Variants in FLNC observed in about 807,000 individuals in gnomAD.
FLNC encodes filamin C.
Under a neutral mutation model 254.3 loss-of-function variants are expected in FLNC, and 91 were observed. The observed-to-expected ratio is 0.36, with a 90% CI of 0.30 to 0.43. The LOEUF (loss-of-function observed/expected upper bound fraction) is 0.43. Among genes scored for constraint, FLNC ranks in the 20% least tolerant of loss-of-function variants. FLNC has a pLI of 1.00. For synonymous variants in FLNC, 1,430 were observed against 1,577.2 expected (o/e 0.91, Z 2.21); for missense variants, 2,853 against 3,802.6 (o/e 0.75, Z 6.57).
intron 1 of FLNC, among the ~76,000 whole-genome samples, chr7:128,831,665 G>A (rs1014636210): frequency 4.6e-5 from 7 of 152,218 alleles, no homozygotes; most frequent in Non-Finnish European, 1.5e-5. Context: ...GGGGGCTTCC[G>A]CAAGTCCAGG....
Position 128,830,613 on chromosome 7 carries a change from G to A in FLNC, c.-25G>A, listed in dbSNP as rs1436411028. 2 of 1,608,432 alleles carry A rather than the reference G, an allele frequency of 1.2e-6. No homozygotes were observed. Among genetic ancestry groups the A allele is most frequent in the Non-Finnish European group, 8.5e-7 (1 of 1,177,460 alleles). ...TAGCCCAAACCGCGGCCCTAGCCCC[G>A]GCCGCACCCCCAGCCCGCGCCAGCA... On this transcript the variant is annotated 5_prime_UTR_variant, in exon 1 of 48. Transcript: ENST00000325888.
rs561979660 is a variant in FLNC, at chr7:128,832,381, G to A, written c.352+1392G>A. Among the ~76,000 whole-genome samples the A allele has an allele frequency of 1.9e-3, 296 of 152,340 alleles. 12 individuals are homozygous for A. The South Asian group carries it at 0.056, about 29-fold the overall frequency. ...AGGGCTACGTGATGGAGGCTGAGGGGTCAGAGAGGAGTCAGTCCTGGGCCG... is the reference window on the plus strand; with the variant it reads ...AGGGCTACGTGATGGAGGCTGAGGGATCAGAGAGGAGTCAGTCCTGGGCCG... On this transcript the variant is annotated intron_variant, in intron 1 of 47. Transcript: ENST00000325888.
chr7:128,846,745 G>A lies in FLNC; in HGVS notation c.4128G>A (p.Arg1376=), dbSNP rs749167386. 6.2e-7 allele frequency: 1 copy of A among 1,613,816 alleles called. No homozygotes were observed. The highest frequency in any genetic ancestry group is 1.1e-5 in the South Asian group (1 of 91,084). ...NKANRFTVET[R]GAGTGGLGLA... ...CTGATGGGGGGATGTTATCTCTCAG[G>A]GGAGCGGGCACCGGGGGCCTTGGCC... Residue 1376 remains arginine (R), a splice_region_variant and synonymous_variant, in exon 24 of 48, where the codon AGG becomes AGA. Transcript: ENST00000325888.
rs1269145751 is a variant in FLNC at position 128,858,199 on chromosome 7, G to A, written c.7972G>A (p.Val2658Met). The change falls in exon 47 of 48, where the codon GTG (valine) becomes ATG (methionine). Residue 2658 changes from valine to methionine, a missense_variant. By Grantham distance (21) the Val-to-Met change is conservative. Transcript: ENST00000325888. This position sits in a 1 kb window ranked among gnomAD's most constrained non-coding sequence, Gnocchi z 6.7. ...CGTGGGCCAGAAGAACTCCTTCACC[G>A]TGGACTGCAGCAAAGCAGGCAGGTG... The part of the protein sequence containing the change: ...AFVGQKNSFT[V>M]DCSKAGTNMM... 30 of 1,494,614 alleles carry A rather than the reference G, an allele frequency of 2.0e-5. No individual in the cohort carries two copies. Among genetic ancestry groups the A allele is most frequent in the Admixed American group, 3.3e-5 (2 of 59,706 alleles). 92.6% of individuals were successfully genotyped at this position (1,494,614 alleles called of 1,614,324 possible).
rs1223848150 is a variant in FLNC at position 128,841,461 on chromosome 7, C to T, written c.2015C>T (p.Ala672Val). The T allele has an allele frequency of 1.2e-6, 2 of 1,613,902 alleles. No individual in the cohort carries two copies. The highest frequency in any genetic ancestry group is 2.2e-5 in the East Asian group (1 of 44,894). ...PPDCFPDKVK[A>V]FGPGLEPTGC... ...CTTCTTCCCTCCGCACAGGTGAAGG[C>T]CTTTGGGCCTGGCCTGGAGCCTACC... Residue 672 changes from alanine (A) to valine (V), a missense_variant, in exon 13 of 48, where the codon GCC (alanine) becomes GTC (valine). Physicochemically the swap from Ala to Val is moderately conservative, Grantham distance 64. Around this residue, in one of 10 missense-constraint regions of FLNC, gnomAD observed 1,573 missense variants for 1,883.5 expected, o/e 0.84. Coordinates refer to ENST00000325888, the MANE Select transcript of FLNC (RefSeq NM_001458.5). This position sits in a 1 kb window ranked among gnomAD's most constrained non-coding sequence, Gnocchi z 4.3.
Position 128,857,856 on chromosome 7 carries a change from C to T in FLNC, c.7781-152C>T, listed in dbSNP as rs1036592068. ...GGCCCTGGCTGGGAATGAGGCTGTG[C>T]TCCTAGAGTGGCCCTTGGAGGAATT... On this transcript the variant is annotated intron_variant, in intron 46 of 47. Coordinates refer to ENST00000325888, the MANE Select transcript of FLNC (RefSeq NM_001458.5). This position sits in a 1 kb window ranked among gnomAD's most constrained non-coding sequence, Gnocchi z 4.5. 1.8e-5 allele frequency: 13 copies of T among 704,812 alleles called. No individual in the cohort carries two copies. Among genetic ancestry groups the T allele is most frequent in the Non-Finnish European group, 3.1e-5 (12 of 384,330 alleles). 43.7% of individuals were successfully genotyped at this position (704,812 alleles called of 1,614,324 possible). A position where few individuals can be genotyped will look rare whatever the true frequency, so the allele number is the denominator to read the frequency against.
chr7:128,845,321 G>A, intron 21 of FLNC, 66 bp downstream of exon 21: 1 of 1,349,168 alleles, frequency 7.4e-7, no homozygotes, highest in Non-Finnish European at 1.0e-6. Flanking sequence ...GTCCGTGGGA[G>A]GGAGGGAAGA....
rs780809885 is a variant in FLNC at position 128,844,972 on chromosome 7, G to C, written c.3507G>C (p.Lys1169Asn). 4.3e-6 allele frequency: 7 copies of C among 1,613,722 alleles called. No homozygotes were observed. Among genetic ancestry groups the C allele is most frequent in the South Asian group, 1.1e-5 (1 of 91,084 alleles). ...GTGGACCGGGCCTGGAGCGCGGCAA[G>C]GTCGGTGAGGCAGCCACCTTCACTG... ...RASGPGLERG[K>N]VGEAATFTVD... Residue 1169 changes from lysine (K) to asparagine (N), a missense_variant, in exon 21 of 48, where the codon AAG (lysine) becomes AAC (asparagine). Lys to Asn is a moderately conservative substitution (Grantham distance 94). Coordinates refer to ENST00000325888, the MANE Select transcript of FLNC (RefSeq NM_001458.5).
At position 128,842,102 on chromosome 7, in the gene FLNC, C is replaced by G; in HGVS notation, c.2122-129C>G. On this transcript the variant is annotated intron_variant, in intron 13 of 47. Coordinates refer to ENST00000325888, the MANE Select transcript of FLNC (RefSeq NM_001458.5). This position sits in a 1 kb window ranked among gnomAD's most constrained non-coding sequence, Gnocchi z 5.4. Reference sequence around the variant, plus strand: ...ACGTGGCCCTGGGCTCTGGTGGCCTCAGTGGCTGGTGTGGGGGCGGGAGTG... The same window carrying G: ...ACGTGGCCCTGGGCTCTGGTGGCCTGAGTGGCTGGTGTGGGGGCGGGAGTG... 3 of 974,606 alleles carry G rather than the reference C, an allele frequency of 3.1e-6. No homozygotes were observed. The highest frequency in any genetic ancestry group is 4.7e-6 in the Non-Finnish European group (3 of 636,026). The allele number at this position is 974,606 out of a possible 1,614,324, so 60.4% of individuals were successfully genotyped here.
chr7:128,853,803 C>T lies in FLNC; in HGVS notation c.6450C>T (p.Ile2150=), dbSNP rs776206819. 2.7e-5 allele frequency: 44 copies of T among 1,613,656 alleles called. No homozygotes were observed. In the Admixed American group the frequency reaches 5.3e-4, roughly 20 times the overall value. Residue 2150 remains isoleucine, a synonymous_variant, in exon 39 of 48, where the codon ATC becomes ATT. Coordinates refer to ENST00000325888, the MANE Select transcript of FLNC (RefSeq NM_001458.5). ...RRRQAPSIAT[I]GSTCDLNLKI... ...GACAGGCACCTTCCATCGCCACCAT[C>T]GGCAGCACCTGTGACCTCAACCTCA...
At chr7:128,847,048 C>T in intron 24 of FLNC, 143 bp downstream of exon 24, 1 of 1,017,846 alleles carries the variant, frequency 9.8e-7, no homozygotes, top group Non-Finnish European at 1.4e-6. Context: ...CGGAGCCCGG[C>T]CAGAGGGAGG....
chr7:128,848,946 C>G lies in FLNC; in HGVS notation c.4891C>G (p.Leu1631Val). 6.2e-7 allele frequency: 1 copy of G among 1,613,462 alleles called. No individual in the cohort carries two copies. Among genetic ancestry groups the G allele is most frequent in the Non-Finnish European group, 8.5e-7 (1 of 1,179,882 alleles). ...CTACTCGCCCTTCCGCATCCATGCT[C>G]TGCCCACTGGGGATGCCAGCAAGTG... ...IPYSPFRIHA[L>V]PTGDASKCLV... The change falls in exon 28 of 48, where the codon CTG becomes GTG. Residue 1631 changes from leucine to valine, a missense_variant. Transcript: ENST00000325888.
Position 128,853,758 on chromosome 7 carries a change from G to A in FLNC, c.6405G>A (p.Lys2135=), listed in dbSNP as rs886043826. Residue 2135 remains lysine, a synonymous_variant, in exon 39 of 48, where the codon AAG becomes AAA. Transcript: ENST00000325888. The part of the protein sequence containing the change: ...TVKVTGEGRM[K]ESITRRRQAP... Reference sequence around the variant, plus strand: ...AGGTGACCGGCGAGGGCCGCATGAAGGAGAGCATCACCCGGCGGAGACAGG... The same window carrying A: ...AGGTGACCGGCGAGGGCCGCATGAAAGAGAGCATCACCCGGCGGAGACAGG... 3.1e-6 allele frequency: 5 copies of A among 1,613,894 alleles called. No homozygotes were observed. Among genetic ancestry groups the A allele is most frequent in the Non-Finnish European group, 4.2e-6 (5 of 1,180,040 alleles).
Position 128,841,375 on chromosome 7 carries a change from G to A in FLNC, c.2007+12G>A. 2 of 1,613,952 alleles carry A rather than the reference G, an allele frequency of 1.2e-6. No individual in the cohort carries two copies. On this transcript the variant is annotated intron_variant, in intron 12 of 47. Transcript: ENST00000325888. This position sits in a 1 kb window ranked among gnomAD's most constrained non-coding sequence, Gnocchi z 4.3. ...GCTTCCCAGATAAGGTGTGGTCCCAGCTCACACACACCTGCCCCGGGGGTG... is the reference window on the plus strand; with the variant it reads ...GCTTCCCAGATAAGGTGTGGTCCCAACTCACACACACCTGCCCCGGGGGTG...
Position 128,835,303 on chromosome 7 carries a change from C to A in FLNC, c.353-23C>A. ...GTGGAGGGTGGGGCGCCCCTGAGCC[C>A]GTCTGTGCCCTCCCCTCTGCAGACA... is the stretch of plus-strand genomic sequence containing the variant. On this transcript the variant is annotated intron_variant, in intron 1 of 47. Transcript: ENST00000325888. The surrounding 1 kb of genome is among the most constrained non-coding windows in gnomAD (Gnocchi z 5.3). 1 of 1,612,380 alleles carries A rather than the reference C, an allele frequency of 6.2e-7. No homozygotes were observed. Among genetic ancestry groups the A allele is most frequent in the African/African-American group, 1.3e-5 (1 of 75,016 alleles).
At chr7:128,831,096 G>T in intron 1 of FLNC, 107 bp downstream of exon 1, 3 of 1,043,226 alleles carry the variant, frequency 2.9e-6, no homozygotes, top group Non-Finnish European at 4.1e-6. Context: ...ACAGGGCGGA[G>T]GGCACCCCCC....
rs1009545372 is a variant in FLNC, at chr7:128,858,130, G to A, written c.7903G>A (p.Ala2635Thr). Residue 2635 changes from alanine to threonine, a missense_variant, in exon 47 of 48, where the codon GCC becomes ACC. Around this residue, in one of 10 missense-constraint regions of FLNC, gnomAD observed 197 missense variants for 351.5 expected, o/e 0.56. Coordinates refer to ENST00000325888, the MANE Select transcript of FLNC (RefSeq NM_001458.5). This position sits in a 1 kb window ranked among gnomAD's most constrained non-coding sequence, Gnocchi z 6.7. ...YSSIPKFSSD[A>T]SKVVTRGPGL... The stretch of plus-strand genomic sequence containing the variant: ...CTCCATCCCCAAGTTCTCCTCAGAT[G>A]CCAGCAAGGTGGTGACTCGGGGCCC... The A allele has an allele frequency of 6.2e-7, 1 of 1,613,032 alleles. No individual in the cohort carries two copies. The highest frequency in any genetic ancestry group is 1.3e-5 in the African/African-American group (1 of 74,918).
rs1808170893 is a variant in FLNC, at chr7:128,838,031, C to T, written c.1014C>T (p.Val338=). 1.2e-6 allele frequency: 2 copies of T among 1,613,914 alleles called. No homozygotes were observed. Among genetic ancestry groups the T allele is most frequent in the East Asian group, 4.5e-5 (2 of 44,900 alleles). The change falls in exon 6 of 48, where the codon GTC becomes GTT. Residue 338 remains valine, a synonymous_variant. Coordinates refer to ENST00000325888, the MANE Select transcript of FLNC (RefSeq NM_001458.5). ...ATGACAAGGATCGCACCTATGCTGT[C>T]TCCTATGTGCCCAAGGTCGCTGGGT... The part of the protein sequence containing the change: ...PNNDKDRTYA[V]SYVPKVAGLH...
At position 128,835,670 on chromosome 7, in the gene FLNC, A is replaced by T; in HGVS notation, c.601+96A>T. Reference sequence around the variant, plus strand: ...AAGGCGTGTGGTTGTCAGAATGCACACCCTGGGGCCTGGGGGCCAGGATCC... The same window carrying T: ...AAGGCGTGTGGTTGTCAGAATGCACTCCCTGGGGCCTGGGGGCCAGGATCC... On this transcript the variant is annotated intron_variant, in intron 2 of 47. Coordinates refer to ENST00000325888, the MANE Select transcript of FLNC (RefSeq NM_001458.5). The surrounding 1 kb of genome is among the most constrained non-coding windows in gnomAD (Gnocchi z 5.3). 7.2e-7 allele frequency: 1 copy of T among 1,396,988 alleles called. No homozygotes were observed. The allele number at this position is 1,396,988 out of a possible 1,614,324, so 86.5% of individuals were successfully genotyped here.
Sources: allele counts gnomAD v4.1 joint callset (sites outside exome capture counted in the v4.1 genomes callset), GRCh38; gene constraint gnomAD v4.1.1; regional missense constraint gnomAD v4.1.1; non-coding constraint Gnocchi (gnomAD v3.1); transcripts MANE v1.5; gene names NCBI Gene and HGNC (gene_info 2026-07-23, HGNC 2026-07-21).